Variants in ZC3H18 observed in about 807,000 individuals in gnomAD.
ZC3H18 encodes zinc finger CCCH domain-containing protein 18.
ZC3H18 carries 8 observed loss-of-function variants against 106.1 expected under a neutral mutation model. The ratio of observed to expected loss-of-function variants is 0.08; its 90% CI spans 0.04 to 0.14. The LOEUF (loss-of-function observed/expected upper bound fraction) is 0.14. ZC3H18 is among the 10% of genes least tolerant of loss of function. The pLI is 1.00. For synonymous variants in ZC3H18, 635 were observed against 522.1 expected, an observed-to-expected ratio of 1.22 and a Z score of -2.95; for missense variants, 1,318 against 1,278.4, an observed-to-expected ratio of 1.03 and a Z score of -0.47.
chr16:88,576,779 C>T (rs144718628), intron 1 of ZC3H18, among the ~76,000 whole-genome samples: 1 of 152,358 alleles, frequency 6.6e-6, no homozygotes, highest in East Asian at 1.9e-4. Context: ...CTGTCCTTTG[C>T]GATCCGTATC....
At chr16:88,622,453 C>T (rs1906026872) in intron 9 of ZC3H18, 65 bp downstream of exon 9, 1 of 1,488,354 alleles carries the variant, frequency 6.7e-7, no homozygotes, top group African/African-American at 1.4e-5. Flanking sequence ...ACACCATGTA[C>T]CTCACTGGGT....
Position 88,623,158 on chromosome 16 carries a change from G to A in ZC3H18, c.1668-61G>A, listed in dbSNP as rs1377394693. 3.0e-5 allele frequency: 48 copies of A among 1,581,540 alleles called. No homozygotes were observed. In the South Asian group the frequency reaches 5.3e-4, roughly 18 times the overall value. ...GTGTAGCTGTGCATGTGTGCGTCAG[G>A]GCGTGTGGGGCAGGGAGGGCCCTTC... On this transcript the variant is annotated intron_variant, in intron 9 of 17. Coordinates refer to ENST00000301011, the MANE Select transcript of ZC3H18 (RefSeq NM_144604.4).
chr16:88,591,849 C>G (rs1189837767), intron 3 of ZC3H18, among the ~76,000 whole-genome samples: 1 of 152,080 alleles, frequency 6.6e-6, no homozygotes, highest in Non-Finnish European at 1.5e-5. Flanking sequence ...TTGTGTGTTT[C>G]ATCTTTTGAG....
chr16:88,617,837 C>G (rs1415522517), intron 8 of ZC3H18, among the ~76,000 whole-genome samples: 1 of 152,278 alleles, frequency 6.6e-6, no homozygotes, highest in Admixed American at 6.5e-5. Flanking sequence ...TCCTGGGCCA[C>G]CGCTTCATGC....
rs761065410 is a variant in ZC3H18, at chr16:88,631,095, T to C, written c.2664-6T>C. The C allele has an allele frequency of 6.2e-7, 1 of 1,611,386 alleles. No individual in the cohort carries two copies. Among genetic ancestry groups the C allele is most frequent in the Non-Finnish European group, 8.5e-7 (1 of 1,179,958 alleles). ...GGGGCTCAAGGTCTTCCCCACCCCC[T>C]TGTAGGAAGCGCCAGCTGTCACCCC... is the stretch of plus-strand genomic sequence containing the variant. On this transcript the variant is annotated splice_polypyrimidine_tract_variant and splice_region_variant and intron_variant, in intron 17 of 17. Transcript: ENST00000301011.
chr16:88,603,260 CTGG>C (rs1904843987), intron 6 of ZC3H18, among the ~76,000 whole-genome samples: 1 of 151,858 alleles, frequency 6.6e-6, no homozygotes, highest in Non-Finnish European at 1.5e-5. Context: ...GCCACCGCAC[CTGG>C]CCTGTTTTTT....
At chr16:88,588,319 G>A (rs950135097) in intron 3 of ZC3H18, among the ~76,000 whole-genome samples, 1 of 152,202 alleles carries the variant, frequency 6.6e-6, no homozygotes, top group African/African-American at 2.4e-5. Flanking sequence ...TCTCTGGGTG[G>A]CAGTGTGACT....
chr16:88,593,672 C>T (rs572185716), intron 3 of ZC3H18, among the ~76,000 whole-genome samples: 1 of 152,306 alleles, frequency 6.6e-6, no homozygotes, highest in South Asian at 2.1e-4. Context: ...TGTGCGCTCT[C>T]CGTGGAGCAC....
intron 8 of ZC3H18, among the ~76,000 whole-genome samples, chr16:88,618,728 G>C (rs1905775232): frequency 6.6e-6 from 1 of 152,220 alleles, no homozygotes; most frequent in Non-Finnish European, 1.5e-5. Context: ...CCAGATGATA[G>C]CGCGGGCCTT....
At chr16:88,607,264 C>G (rs1027940849) in intron 6 of ZC3H18, among the ~76,000 whole-genome samples, 1 of 152,226 alleles carries the variant, frequency 6.6e-6, no homozygotes, top group Non-Finnish European at 1.5e-5. Flanking sequence ...TGCGATGGCA[C>G]TGGCTTAATT....
chr16:88,581,539 G>C (rs144676402), intron 2 of ZC3H18, among the ~76,000 whole-genome samples: 2 of 152,326 alleles, frequency 1.3e-5, no homozygotes, highest in African/African-American at 4.8e-5. Context: ...TGGCCTGCGT[G>C]GTGGGGTGGA....
intron 8 of ZC3H18, among the ~76,000 whole-genome samples, chr16:88,620,115 G>C (rs934184315): frequency 6.6e-6 from 1 of 152,190 alleles, no homozygotes; most frequent in African/African-American, 2.4e-5. Context: ...GCAGATAGCA[G>C]GCATGTTTGC....
chr16:88,609,895 C>T (rs1905192979), intron 7 of ZC3H18, among the ~76,000 whole-genome samples: 1 of 152,176 alleles, frequency 6.6e-6, no homozygotes, highest in Non-Finnish European at 1.5e-5. Flanking sequence ...GTCACTGTGC[C>T]CAGCTCGGCC....
chr16:88,615,038 C>A (rs1905499491), intron 8 of ZC3H18, among the ~76,000 whole-genome samples: 2 of 151,028 alleles, frequency 1.3e-5, no homozygotes, highest in African/African-American at 4.9e-5. Context: ...AGGCTGCCCC[C>A]ACCTGCTCCG....
intron 1 of ZC3H18, 100 bp from the exon 2 acceptor site, chr16:88,577,010 A>C: frequency 3.1e-6 from 4 of 1,287,970 alleles, no homozygotes; most frequent in South Asian, 3.1e-5. Context: ...GTGTGGGACC[A>C]AGCAGGATGG....
intron 8 of ZC3H18, among the ~76,000 whole-genome samples, chr16:88,620,424 A>G (rs916620931): frequency 5.9e-5 from 9 of 152,206 alleles, no homozygotes; most frequent in African/African-American, 2.2e-4. Context: ...CCTCAAATCA[A>G]TGTTTAATGA....
chr16:88,599,007 C>A lies in ZC3H18; in HGVS notation c.930+295C>A, dbSNP rs932576696. 2.0e-5 allele frequency among the ~76,000 whole-genome samples: 3 copies of A among 152,148 alleles called. No individual in the cohort carries two copies. The East Asian group carries it at 5.8e-4, about 29-fold the overall frequency. ...CCAAGTAGCTGGGATTACAGGCATGCGCCACCAGGCCCGGAAGGATGGAGA... is the reference window on the plus strand; with the variant it reads ...CCAAGTAGCTGGGATTACAGGCATGAGCCACCAGGCCCGGAAGGATGGAGA... On this transcript the variant is annotated intron_variant, in intron 5 of 17. Coordinates refer to ENST00000301011, the MANE Select transcript of ZC3H18 (RefSeq NM_144604.4).
chr16:88,616,931 G>A (rs370707012), intron 8 of ZC3H18, among the ~76,000 whole-genome samples: 3 of 152,136 alleles, frequency 2.0e-5, no homozygotes, highest in Admixed American at 6.5e-5. Flanking sequence ...GCCCAGGCTC[G>A]TTATAGCAGG....
intron 2 of ZC3H18, among the ~76,000 whole-genome samples, chr16:88,581,718 C>T (rs373744545): frequency 3.9e-5 from 6 of 152,180 alleles, no homozygotes; most frequent in African/African-American, 9.7e-5. Flanking sequence ...ATGCTCCTGC[C>T]GTCCAAAGAG....
Sources: allele counts gnomAD v4.1 joint callset (sites outside exome capture counted in the v4.1 genomes callset), GRCh38; gene constraint gnomAD v4.1.1; transcripts MANE v1.5; gene names NCBI Gene and HGNC (gene_info 2026-07-23, HGNC 2026-07-21).